Variants in SHISAL2A observed in about 807,000 individuals in gnomAD.
SHISAL2A encodes the protein protein shisa-like-2A.
In SHISAL2A, 18 loss-of-function variants were observed where a neutral mutation model predicts 11.5. The ratio of observed to expected loss-of-function variants is 1.57; its 90% CI spans 1.08 to 2.33. The LOEUF (loss-of-function observed/expected upper bound fraction) is 2.33. Ranked by LOEUF, SHISAL2A falls within the 30% of genes most tolerant of loss-of-function variation. The pLI is 0.00. For missense variants in SHISAL2A, 261 were observed against 250.9 expected (o/e 1.04, Z -0.27); for synonymous variants, 94 against 99.6 (o/e 0.94, Z 0.34).
intron 2 of SHISAL2A, among the ~76,000 whole-genome samples, chr1:52,644,517 G>A (rs1199721286): frequency 6.6e-6 from 1 of 152,046 alleles, no homozygotes; most frequent in African/African-American, 2.4e-5. Flanking sequence ...CTGAGGTCAG[G>A]AGTTCAAGAC....
In SHISAL2A at chr1:52,649,826, A is replaced by T. The variant is rs372674978; in HGVS notation, c.322+6824A>T. On this transcript the variant is annotated intron_variant, in intron 2 of 2. Coordinates refer to ENST00000517870, the MANE Select transcript of SHISAL2A (RefSeq NM_001042693.3). Reference sequence around the variant, plus strand: ...ATAAGATACTAAAACATTGGGGGGAAAATTAAGGAGTCCAATTCTTATCCT... The same window carrying T: ...ATAAGATACTAAAACATTGGGGGGATAATTAAGGAGTCCAATTCTTATCCT... 1.0e-3 allele frequency among the ~76,000 whole-genome samples: 155 copies of T among 152,318 alleles called. 2 individuals carry two copies. The highest frequency in any genetic ancestry group is 6.8e-3 in the Middle Eastern group (2 of 294).
chr1:52,647,088 C>T (rs1640157798), intron 2 of SHISAL2A, among the ~76,000 whole-genome samples: 1 of 152,104 alleles, frequency 6.6e-6, no homozygotes, highest in South Asian at 2.1e-4. Context: ...CCTGCCTTGG[C>T]CTCCCAAAGT....
In SHISAL2A at chr1:52,633,991, C is replaced by T. The variant is rs1036753369; in HGVS notation, c.182+316C>T. On this transcript the variant is annotated intron_variant, in intron 1 of 2. Coordinates refer to ENST00000517870, the MANE Select transcript of SHISAL2A (RefSeq NM_001042693.3). The surrounding 1 kb of genome is among the most constrained non-coding windows in gnomAD (Gnocchi z 6.4). ...AACCCCAAATCACATATCAAGCCTC[C>T]CCCTAACAGCAACTTCCATCTTCAA... is the stretch of plus-strand genomic sequence containing the variant. Among the ~76,000 whole-genome samples the T allele has an allele frequency of 6.6e-6, 1 of 152,036 alleles. No homozygotes were observed. Among genetic ancestry groups the T allele is most frequent in the African/African-American group, 2.4e-5 (1 of 41,386 alleles).
downstream of SHISAL2A, among the ~76,000 whole-genome samples, chr1:52,660,830 T>C (rs1362628984): frequency 1.3e-5 from 2 of 152,206 alleles, no homozygotes; most frequent in African/African-American, 2.4e-5. Flanking sequence ...GAATCTTGGC[T>C]AAATGAGGTC....
At chr1:52,667,414 C>A in exon 5 of SHISAL2A, 2 of 984,670 alleles carry the variant, frequency 2.0e-6, no homozygotes, top group Non-Finnish European at 2.4e-6. Context: ...TCCTAACTTC[C>A]TGGCAACAAC....
At chr1:52,637,138 G>A (rs905818979) in intron 1 of SHISAL2A, among the ~76,000 whole-genome samples, 1 of 152,188 alleles carries the variant, frequency 6.6e-6, no homozygotes, top group Non-Finnish European at 1.5e-5. Flanking sequence ...AACATCCCAT[G>A]TCAGTGTGTT....
intron 1 of SHISAL2A, among the ~76,000 whole-genome samples, chr1:52,636,577 G>T (rs1254655823): frequency 6.6e-6 from 1 of 152,250 alleles, no homozygotes; most frequent in African/African-American, 2.4e-5. Context: ...TGGTTCATAG[G>T]TGTGGGAAGT....
intron 2 of SHISAL2A, among the ~76,000 whole-genome samples, chr1:52,654,448 G>C (rs1156282540): frequency 6.6e-6 from 1 of 152,040 alleles, no homozygotes; most frequent in Non-Finnish European, 1.5e-5. Flanking sequence ...ATTGGAGGAG[G>C]GACAGACACA....
chr1:52,635,817 T>G (rs1176910226), intron 1 of SHISAL2A, among the ~76,000 whole-genome samples: 1 of 152,260 alleles, frequency 6.6e-6, no homozygotes, highest in Non-Finnish European at 1.5e-5. Flanking sequence ...AGTTAAACTA[T>G]AAACTAAATT....
At chr1:52,653,854 A>G (rs1691728803) in intron 2 of SHISAL2A, among the ~76,000 whole-genome samples, 2 of 151,988 alleles carry the variant, frequency 1.3e-5, no homozygotes, top group Admixed American at 1.3e-4. Flanking sequence ...CAGCCTCCCA[A>G]GGAGCTCAAT....
At chr1:52,650,643 C>CTTTTT (rs35001247) in intron 2 of SHISAL2A, among the ~76,000 whole-genome samples, 7 of 108,112 alleles carry the variant, frequency 6.5e-5, no homozygotes, top group East Asian at 2.8e-4. Context: ...TTTTAAAACC[C>CTTTTT]TTTTTTTTTT....
chr1:52,643,420 A>G (rs1233790303), intron 2 of SHISAL2A, among the ~76,000 whole-genome samples: 1 of 152,248 alleles, frequency 6.6e-6, no homozygotes, highest in East Asian at 1.9e-4. Flanking sequence ...GTTTTTTTAA[A>G]TAATCTGATG....
rs567589164 is a variant in SHISAL2A, at chr1:52,665,044, A to G, written n.696-2355A>G. ...GCTCAAGCAATCCGCCAGCCAGCCC[A>G]TTTTGATCTGCACAATACTTAAGCT... On this transcript the variant is annotated intron_variant and non_coding_transcript_variant, in intron 4 of 5. Transcript: ENST00000401050. 6.6e-5 allele frequency among the ~76,000 whole-genome samples: 10 copies of G among 152,244 alleles called. No individual in the cohort carries two copies. In the South Asian group the frequency reaches 1.7e-3, roughly 25 times the overall value.
chr1:52,645,032 AAAG>A lies in SHISAL2A; in HGVS notation c.322+2046_322+2048del, dbSNP rs1168355517. Among the ~76,000 whole-genome samples the A allele has an allele frequency of 4.8e-4, 73 of 151,072 alleles. No individual in the cohort carries two copies. In the South Asian group the frequency reaches 9.8e-3, roughly 20 times the overall value. ...ACTCTGTCTCCAAAAAAAAAAAAAA[AAAG>A]AAGAAGAAGAAGAAGTAAGGGTGAC... On this transcript the variant is annotated intron_variant, in intron 2 of 2. Transcript: ENST00000517870.
chr1:52,659,694 A>G (rs1420999521), downstream of SHISAL2A: 4 of 152,380 alleles, frequency 2.6e-5, no homozygotes, highest in African/African-American at 9.6e-5. Flanking sequence ...AGCTTAGGGT[A>G]CTTGTATATA....
At chr1:52,662,352 A>C (rs1449237365) in intron 4 of SHISAL2A, among the ~76,000 whole-genome samples, 1 of 151,198 alleles carries the variant, frequency 6.6e-6, no homozygotes, top group Non-Finnish European at 1.5e-5. Flanking sequence ...TTATTTATTT[A>C]TTTATTTATT....
intron 2 of SHISAL2A, among the ~76,000 whole-genome samples, chr1:52,651,667 G>C (rs1323919835): frequency 6.6e-6 from 1 of 152,108 alleles, no homozygotes; most frequent in African/African-American, 2.4e-5. Flanking sequence ...GCCTCAGCTG[G>C]CTACAATATT....
rs140967303 is a variant in SHISAL2A at position 52,665,881 on chromosome 1, T to C, written n.696-1518T>C. On this transcript the variant is annotated intron_variant and non_coding_transcript_variant, in intron 4 of 5. Coordinates refer to the SHISAL2A transcript ENST00000401050. ...AGGTTGCTAATGCATCAGGTAGCCA[T>C]GTATTCCGATGGAGCTGCTTCATAA... is the stretch of plus-strand genomic sequence containing the variant. Among the ~76,000 whole-genome samples the C allele has an allele frequency of 1.5e-4, 23 of 152,296 alleles. No homozygotes were observed. In the East Asian group the frequency reaches 4.2e-3, roughly 28 times the overall value.
At chr1:52,661,232 A>G (rs1691901757), downstream of SHISAL2A, among the ~76,000 whole-genome samples, 1 of 152,202 alleles carries the variant, frequency 6.6e-6, no homozygotes. Flanking sequence ...TCAAGCATGG[A>G]AAGGAACTCG....
Sources: gnomAD v4.1 joint callset for allele counts (sites outside exome capture counted in the v4.1 genomes callset) on GRCh38, gnomAD v4.1.1 for gene constraint, Gnocchi (gnomAD v3.1) non-coding constraint, MANE v1.5 for transcripts, NCBI Gene and HGNC (gene_info 2026-07-23, HGNC 2026-07-21) for gene names.